Variants in TTC7A observed in about 807,000 individuals in gnomAD.
TTC7A encodes tetratricopeptide repeat domain 7A, also known as tetratricopeptide repeat protein 7A.
A neutral mutation model predicts 103.7 loss-of-function variants in TTC7A; 110 were observed. The observed-to-expected ratio is 1.06, with a 90% CI of 0.91 to 1.24. The LOEUF (loss-of-function observed/expected upper bound fraction) is 1.24. Ranked by LOEUF, TTC7A falls within the 50% of genes most tolerant of loss-of-function variation. The probability of loss-of-function intolerance (pLI) is 0.00; values close to 1 mark genes in which losing one functional copy is unlikely to be tolerated. For synonymous variants in TTC7A, 521 were observed against 467.9 expected (o/e 1.11, Z -1.47); for missense variants, 1,340 against 1,116.3 (o/e 1.20, Z -2.86).
At chr2:46,999,784 C>G in intron 8 of TTC7A, 2 of 985,440 alleles carry the variant, frequency 2.0e-6, no homozygotes, top group Non-Finnish European at 2.4e-6. Flanking sequence ...AAAATATGTG[C>G]TAAAGTAAAC....
chr2:47,062,166 T>G (rs1234020420), intron 19 of TTC7A, among the ~76,000 whole-genome samples: 1 of 152,244 alleles, frequency 6.6e-6, no homozygotes, highest in Non-Finnish European at 1.5e-5. Context: ...TCTAGGCACA[T>G]ACTCAGTAAT....
chr2:46,956,880 G>T lies in TTC7A; in HGVS notation c.390G>T (p.Leu130=). The T allele has an allele frequency of 3.1e-6, 5 of 1,614,188 alleles. No individual in the cohort carries two copies. The highest frequency in any genetic ancestry group is 4.2e-6 in the Non-Finnish European group (5 of 1,180,042). ...MCEAMLILGK[L]HYVEGSYRDA... ...AGGCCATGCTGATCCTGGGCAAACT[G>T]CATTACGTGGAGGGCTCATACCGAG... Residue 130 remains leucine, a synonymous_variant, in exon 3 of 20, where the codon CTG becomes CTT. Transcript: ENST00000319190.
In TTC7A at chr2:47,007,709, C is replaced by T. The variant is rs1310280485; in HGVS notation, c.1287+985C>T. 6.6e-6 allele frequency among the ~76,000 whole-genome samples: 1 copy of T among 152,182 alleles called. No individual in the cohort carries two copies. The highest frequency in any genetic ancestry group is 1.5e-5 in the Non-Finnish European group (1 of 68,020). ...CAGGGAGGGGGAAGAGGAGCAGGTG[C>T]TGCAGCCTGAGTGCGGGGAGAGGCT... On this transcript the variant is annotated intron_variant, in intron 10 of 19. Coordinates refer to ENST00000319190, the MANE Select transcript of TTC7A (RefSeq NM_020458.4). The surrounding 1 kb of genome is among the most constrained non-coding windows in gnomAD (Gnocchi z 4.9).
chr2:47,008,711 C>T (rs1471841249), intron 10 of TTC7A, among the ~76,000 whole-genome samples: 1 of 152,190 alleles, frequency 6.6e-6, no homozygotes, highest in Non-Finnish European at 1.5e-5. Flanking sequence ...CAGACCTTGC[C>T]TTTGCTGAAA....
In TTC7A at chr2:46,973,460, G is replaced by A. The variant is rs186085764; in HGVS notation, c.518-1513G>A. On this transcript the variant is annotated intron_variant, in intron 3 of 19. Transcript: ENST00000319190. ...CCCCGTCAGGGAGGGCCTCAGTGCC[G>A]AGTGCGGCGGAGGATGGATCCCTCC... Among the ~76,000 whole-genome samples, 360 of 152,336 alleles carry A rather than the reference G, an allele frequency of 2.4e-3. 4 individuals carry two copies. Among genetic ancestry groups the A allele is most frequent in the Non-Finnish European group, 1.5e-3 (100 of 68,042 alleles).
chr2:47,022,458 A>G (rs1053295147), intron 12 of TTC7A, among the ~76,000 whole-genome samples: 6 of 152,062 alleles, frequency 3.9e-5, no homozygotes, highest in African/African-American at 1.4e-4. Context: ...CTTAGTAACT[A>G]CTTGTGCTCG....
intron 3 of TTC7A, among the ~76,000 whole-genome samples, chr2:46,973,268 A>G (rs560719050): frequency 3.9e-5 from 6 of 152,182 alleles, no homozygotes; most frequent in Non-Finnish European, 8.8e-5. Flanking sequence ...TGGAGGAGAT[A>G]AGAGTATGGA....
chr2:47,053,603 A>C (rs1473112426), intron 18 of TTC7A, among the ~76,000 whole-genome samples: 1 of 149,096 alleles, frequency 6.7e-6, no homozygotes, highest in East Asian at 2.1e-4. Context: ...GCAGAGTCTC[A>C]CTCTGTGGCC....
intron 2 of TTC7A, among the ~76,000 whole-genome samples, chr2:46,952,681 G>C (rs1042915059): frequency 6.6e-6 from 1 of 152,176 alleles, no homozygotes; most frequent in Non-Finnish European, 1.5e-5. Flanking sequence ...GAGCCTAGGA[G>C]GTTGGGGCTG....
intron 19 of TTC7A, chr2:47,071,077 G>C (rs1189274872): frequency 6.6e-6 from 1 of 152,350 alleles, no homozygotes; most frequent in African/African-American, 2.4e-5. Context: ...GGGTCGGGGT[G>C]CCAGGAGGAT....
At chr2:46,938,352 A>G (rs772207061), upstream of TTC7A, among the ~76,000 whole-genome samples, 2 of 151,880 alleles carry the variant, frequency 1.3e-5, no homozygotes, top group African/African-American at 2.4e-5. Flanking sequence ...TTTTTCCTTA[A>G]TATCAGTAAA....
intron 4 of TTC7A, among the ~76,000 whole-genome samples, chr2:46,975,620 G>A (rs1042839052): frequency 1.3e-5 from 2 of 152,134 alleles, no homozygotes; most frequent in African/African-American, 4.8e-5. Flanking sequence ...AGGGTATCAA[G>A]TACAGGTGGT....
intron 14 of TTC7A, 31 bp downstream of exon 14, chr2:47,024,390 C>T: frequency 6.3e-7 from 1 of 1,576,518 alleles, no homozygotes; most frequent in Non-Finnish European, 8.6e-7. Context: ...ACCCCCGGGT[C>T]CTCGGGGGCT....
chr2:46,932,544 A>C (rs1669760552), intron 2 of TTC7A, among the ~76,000 whole-genome samples: 1 of 152,188 alleles, frequency 6.6e-6, no homozygotes, highest in Non-Finnish European at 1.5e-5. Flanking sequence ...TTTACACAAC[A>C]AAAAATGTTT....
chr2:47,052,094 C>T (rs1682907813), intron 18 of TTC7A, among the ~76,000 whole-genome samples: 1 of 152,196 alleles, frequency 6.6e-6, no homozygotes, highest in Admixed American at 6.5e-5. Flanking sequence ...TGGCAGCAAG[C>T]CCAAACGTGA....
chr2:47,004,812 C>A (rs925216624), intron 8 of TTC7A, among the ~76,000 whole-genome samples: 1 of 152,080 alleles, frequency 6.6e-6, no homozygotes, highest in African/African-American at 2.4e-5. Context: ...TAAGTCCCTG[C>A]CCTGTGGCTG....
At chr2:47,006,096 G>A (rs1166850908) in intron 9 of TTC7A, 37 bp downstream of exon 9, 4 of 1,603,398 alleles carry the variant, frequency 2.5e-6, no homozygotes, top group Non-Finnish European at 3.4e-6. Context: ...ACTCTCCGGA[G>A]TCAGGTGGTC....
intron 15 of TTC7A, among the ~76,000 whole-genome samples, chr2:47,036,627 C>T (rs961690596): frequency 1.3e-5 from 2 of 152,170 alleles, no homozygotes; most frequent in African/African-American, 4.8e-5. Flanking sequence ...GAGGCCAAGG[C>T]AGGAAGATCA....
intron 19 of TTC7A, among the ~76,000 whole-genome samples, chr2:47,063,344 A>G (rs1683939602): frequency 6.6e-6 from 1 of 152,226 alleles, no homozygotes; most frequent in Admixed American, 6.5e-5. Context: ...AAAGCACAGC[A>G]TGGAGTATCT....
Sources: gnomAD v4.1 joint callset for allele counts (sites outside exome capture counted in the v4.1 genomes callset) on GRCh38, gnomAD v4.1.1 for gene constraint, Gnocchi (gnomAD v3.1) non-coding constraint, MANE v1.5 for transcripts, NCBI Gene and HGNC (gene_info 2026-07-23, HGNC 2026-07-21) for gene names.